The following ICA1 variants were observed in gnomAD, a reference collection of about 807,000 sequenced individuals.
The protein encoded by ICA1 is islet cell autoantigen 1, also known as 69 kDa islet cell autoantigen.
In ICA1, 40 loss-of-function variants were observed where a neutral mutation model predicts 71.0. That is an observed-to-expected ratio of 0.56 (90% CI 0.44 to 0.73). ICA1 has a LOEUF of 0.73. Ranked by LOEUF, ICA1 falls within the 30% of genes least tolerant of loss-of-function variation. ICA1 has a pLI of 0.00. For missense variants in ICA1, 578 were observed against 576.5 expected (o/e 1.00, Z -0.03); for synonymous variants, 207 against 209.5 (o/e 0.99, Z 0.10).
Position 8,215,387 on chromosome 7 carries a change from T to G in ICA1, c.579+2918A>C, listed in dbSNP as rs111327313. ...TCCTACCCATCCTTCACATTTTGTT[T>G]AGTGCCACCTCCTCCAGGAAGCCCC... On this transcript the variant is annotated intron_variant, in intron 6 of 13. Transcript: ENST00000402384. 6.3e-3 allele frequency among the ~76,000 whole-genome samples: 959 copies of G among 152,310 alleles called. 7 individuals carry two copies. Among genetic ancestry groups the G allele is most frequent in the African/African-American group, 0.021 (862 of 41,562 alleles).
chr7:8,176,224 A>G (rs1219788410), intron 6 of ICA1, among the ~76,000 whole-genome samples: 1 of 152,092 alleles, frequency 6.6e-6, no homozygotes, highest in Non-Finnish European at 1.5e-5. Context: ...CAGGCACCTT[A>G]TCCTTCATGC....
chr7:8,203,397 A>G (rs1790411320), intron 6 of ICA1, among the ~76,000 whole-genome samples: 1 of 152,230 alleles, frequency 6.6e-6, no homozygotes, highest in South Asian at 2.1e-4. Context: ...TTAAATGTCT[A>G]TCTTCTAAAA....
chr7:8,163,809 T>C lies in ICA1; in HGVS notation c.580-5157A>G, dbSNP rs1290527319. Among the ~76,000 whole-genome samples, 3 of 151,388 alleles carry C rather than the reference T, an allele frequency of 2.0e-5. No homozygotes were observed. In the East Asian group the frequency reaches 5.8e-4, roughly 29 times the overall value. ...GCGTTGCTCAGAACGAGCAGGAGGG[T>C]GGGATGAGATGAGGCAGAGAGGTGA... On this transcript the variant is annotated intron_variant, in intron 6 of 13. Transcript: ENST00000402384.
At chr7:8,227,363 G>A (rs1338664701) in intron 4 of ICA1, among the ~76,000 whole-genome samples, 1 of 152,174 alleles carries the variant, frequency 6.6e-6, no homozygotes, top group Admixed American at 6.5e-5. Context: ...AGAGAAGATG[G>A]AGAGAGGAAG....
Position 8,199,254 on chromosome 7 carries a change from T to C in ICA1, c.579+19051A>G, listed in dbSNP as rs193092682. ...ATACCCAAAAGAAAGGAAATCAGTATATCAAAGACATATCTGCACTCCTGT... is the reference window on the plus strand; with the variant it reads ...ATACCCAAAAGAAAGGAAATCAGTACATCAAAGACATATCTGCACTCCTGT... On this transcript the variant is annotated intron_variant, in intron 6 of 13. Coordinates refer to ENST00000402384, the MANE Select transcript of ICA1 (RefSeq NM_001136020.3). Among the ~76,000 whole-genome samples the C allele has an allele frequency of 1.4e-4, 22 of 152,304 alleles. No homozygotes were observed. The East Asian group carries it at 3.7e-3, about 25-fold the overall frequency.
In ICA1 at chr7:8,127,895, T is replaced by A; in HGVS notation, c.1308A>T (p.Lys436Asn). Residue 436 changes from lysine (K) to asparagine (N), a missense_variant, in exon 13 of 14, where the codon AAA (lysine) becomes AAT (asparagine). Lys to Asn is a moderately conservative substitution (Grantham distance 94). Transcript: ENST00000402384. ...LPSQLLDQNMKDLQASLQEPA... is the reference protein window; with the variant it reads ...LPSQLLDQNMNDLQASLQEPA... ...TACCTTGTAGCGAGGCCTGTAAGTCTTTCATATTTTGGTCTAAAAGCTGCG... is the reference window on the plus strand; with the variant it reads ...TACCTTGTAGCGAGGCCTGTAAGTCATTCATATTTTGGTCTAAAAGCTGCG... 3 of 1,614,080 alleles carry A rather than the reference T, an allele frequency of 1.9e-6. No individual in the cohort carries two copies. The highest frequency in any genetic ancestry group is 2.5e-6 in the Non-Finnish European group (3 of 1,179,982).
At chr7:8,138,761 G>C in intron 12 of ICA1, 79 bp downstream of exon 12, 1 of 1,191,796 alleles carries the variant, frequency 8.4e-7, no homozygotes. Context: ...AAAAGATTAA[G>C]ATTACACTTT....
intron 8 of ICA1, 139 bp downstream of exon 8, chr7:8,156,977 G>T (rs752975560): frequency 2.6e-6 from 4 of 1,555,812 alleles, no homozygotes; most frequent in Non-Finnish European, 2.6e-6. Context: ...GAAAGAAAAA[G>T]ACTCTGCTGG....
intron 6 of ICA1, among the ~76,000 whole-genome samples, chr7:8,171,305 CA>C (rs1332364504): frequency 6.6e-6 from 1 of 151,856 alleles, no homozygotes; most frequent in African/African-American, 2.4e-5. Context: ...TTTTTAACTA[CA>C]AATATGATTT....
intron 6 of ICA1, among the ~76,000 whole-genome samples, chr7:8,176,185 C>G (rs1436891950): frequency 6.6e-6 from 1 of 152,202 alleles, no homozygotes; most frequent in East Asian, 1.9e-4. Flanking sequence ...CTGCCTTAGT[C>G]CAGAGGTCTC....
chr7:8,198,116 A>C (rs1788319134), intron 6 of ICA1, among the ~76,000 whole-genome samples: 1 of 152,218 alleles, frequency 6.6e-6, no homozygotes, highest in East Asian at 1.9e-4. Context: ...AATACAAGCT[A>C]ATGGCCTATG....
Position 8,158,616 on chromosome 7 carries a change from C to CAAAGG in ICA1, c.615_616insCCTTT (p.Asp206ProfsTer5). The CAAAGG allele has an allele frequency of 6.2e-7, 1 of 1,613,934 alleles. No individual in the cohort carries two copies. The highest frequency in any genetic ancestry group is 8.5e-7 in the Non-Finnish European group (1 of 1,179,920). ...TGACAAACATCCATCTTCAATTTGTCAAAGTTTTTTTTTGCAAGGCGCACT... is the reference window on the plus strand; with the variant it reads ...TGACAAACATCCATCTTCAATTTGTCAAAGGAAAGTTTTTTTTTGCAAGGCGCACT... On this transcript the variant is annotated frameshift_variant, in exon 7 of 14. Coordinates refer to ENST00000402384, the MANE Select transcript of ICA1 (RefSeq NM_001136020.3). LOFTEE classifies it high-confidence loss of function.
intron 13 of ICA1, among the ~76,000 whole-genome samples, chr7:8,117,824 G>A (rs779568066): frequency 5.3e-5 from 8 of 152,148 alleles, no homozygotes; most frequent in Non-Finnish European, 8.8e-5. Flanking sequence ...TCAGTATATG[G>A]CACAAAAAGT....
intron 3 of ICA1, 128 bp from the exon 4 acceptor site, chr7:8,228,801 G>C (rs1799409143): frequency 1.7e-6 from 1 of 572,138 alleles, no homozygotes; most frequent in African/African-American, 1.9e-5. Context: ...TATGCTTAGT[G>C]TTATGCGGTG....
chr7:8,187,281 G>A (rs1784204019), intron 6 of ICA1, among the ~76,000 whole-genome samples: 1 of 152,128 alleles, frequency 6.6e-6, no homozygotes, highest in Non-Finnish European at 1.5e-5. Flanking sequence ...CTGCAAACCT[G>A]TACAACATGT....
intron 6 of ICA1, among the ~76,000 whole-genome samples, chr7:8,184,081 T>C (rs1262319729): frequency 6.6e-6 from 1 of 152,246 alleles, no homozygotes; most frequent in Non-Finnish European, 1.5e-5. Context: ...AAGAGCTAGT[T>C]AATTTGCTAG....
At chr7:8,164,563 T>C (rs6963578) in intron 6 of ICA1, among the ~76,000 whole-genome samples, 54,576 of 151,888 alleles carry the variant, frequency 0.36, 9,992 homozygotes, top group Non-Finnish European at 0.38. Context: ...CAACTTCTCA[T>C]GGACACCTCA....
intron 7 of ICA1, chr7:8,157,849 G>A (rs1811256): frequency 0.094 from 14,270 of 151,740 alleles, 806 homozygotes; most frequent in African/African-American, 0.16. Flanking sequence ...CACCATGCCC[G>A]ACTAATTTTT....
chr7:8,214,530 C>T (rs528247898), intron 6 of ICA1, among the ~76,000 whole-genome samples: 2 of 152,326 alleles, frequency 1.3e-5, no homozygotes, highest in African/African-American at 4.8e-5. Flanking sequence ...CAGCTATGTG[C>T]AGCCACACTC....
Sources: allele counts gnomAD v4.1 joint callset (sites outside exome capture counted in the v4.1 genomes callset), GRCh38; gene constraint gnomAD v4.1.1; transcripts MANE v1.5; gene names NCBI Gene and HGNC (gene_info 2026-07-23, HGNC 2026-07-21).